The following PRRC2C variants were observed in gnomAD, a reference collection of about 807,000 sequenced individuals.
The protein encoded by PRRC2C is proline rich coiled-coil 2C, also known as protein PRRC2C.
In PRRC2C, 72 loss-of-function variants were observed where a neutral mutation model predicts 317.2. The observed-to-expected ratio is 0.23, with a 90% CI of 0.19 to 0.28. PRRC2C has a LOEUF of 0.28. PRRC2C is among the 10% of genes least tolerant of loss of function. PRRC2C has a pLI of 1.00. For missense variants in PRRC2C, 3,074 were observed against 3,459.7 expected, an observed-to-expected ratio of 0.89 and a Z score of 2.80; for synonymous variants, 1,296 against 1,205.9, an observed-to-expected ratio of 1.07 and a Z score of -1.55.
intron 12 of PRRC2C, 21 bp downstream of exon 12, chr1:171,532,982 C>A: frequency 6.6e-7 from 1 of 1,511,700 alleles, no homozygotes; most frequent in Non-Finnish European, 8.8e-7. Context: ...ATTCTTCATT[C>A]TCTTTTAAAA....
At position 171,584,497 on chromosome 1, in the gene PRRC2C, A is replaced by C; in HGVS notation, c.7720A>C (p.Thr2574Pro). Reference protein sequence around the residue: ...QQPGQTNFYNTAQSPSALQQV... With the variant: ...QQPGQTNFYNPAQSPSALQQV... ...GCCTGGTCAGACAAATTTTTATAAC[A>C]CTGCCCAGTCACCAAGTGCTCTCCA... is the stretch of plus-strand genomic sequence containing the variant. The change falls in exon 30 of 35, where the codon ACT (threonine) becomes CCT (proline). Residue 2574 changes from threonine to proline, a missense_variant. Coordinates refer to ENST00000647382, the MANE Select transcript of PRRC2C (RefSeq NM_001387844.1). 1 of 1,591,848 alleles carries C rather than the reference A, an allele frequency of 6.3e-7. No homozygotes were observed. Among genetic ancestry groups the C allele is most frequent in the Non-Finnish European group, 8.6e-7 (1 of 1,168,402 alleles).
chr1:171,532,211 T>G, intron 11 of PRRC2C, 132 bp from the exon 12 acceptor site: 1 of 941,884 alleles, frequency 1.1e-6, no homozygotes, highest in Non-Finnish European at 1.5e-6. Context: ...TCTTATGTGT[T>G]TTCATTTTAA....
At chr1:171,552,710 A>ATT (rs1680524690) in intron 18 of PRRC2C, among the ~76,000 whole-genome samples, 4 of 151,976 alleles carry the variant, frequency 2.6e-5, no homozygotes, top group Admixed American at 2.6e-4. Context: ...TTCTGCATCT[A>ATT]TTGAGATAAT....
intron 10 of PRRC2C, among the ~76,000 whole-genome samples, chr1:171,526,857 G>A (rs1300981981): frequency 9.2e-6 from 1 of 108,110 alleles, no homozygotes; most frequent in Non-Finnish European, 1.7e-5. Flanking sequence ...CTCCCAGGCT[G>A]TAATGCAGTG....
At chr1:171,545,955 A>G (rs1345207875) in intron 17 of PRRC2C, among the ~76,000 whole-genome samples, 1 of 152,184 alleles carries the variant, frequency 6.6e-6, no homozygotes, top group Admixed American at 6.5e-5. Context: ...TCTTCCAAAA[A>G]AGAGGAAGAA....
rs2272807 is a variant in PRRC2C at position 171,524,544 on chromosome 1, T to C, written c.1056-277T>C. On this transcript the variant is annotated intron_variant, in intron 9 of 34. Coordinates refer to ENST00000647382, the MANE Select transcript of PRRC2C (RefSeq NM_001387844.1). The stretch of plus-strand genomic sequence containing the variant: ...CCCAGTTACATTTGGATTGTATTTC[T>C]TATGTAGAGGAGATAGGAAATGATG... 2.6e-4 allele frequency among the ~76,000 whole-genome samples: 40 copies of C among 152,350 alleles called. No homozygotes were observed. In the East Asian group the frequency reaches 6.4e-3, roughly 24 times the overall value.
chr1:171,505,336 T>C (rs547634241), intron 1 of PRRC2C, among the ~76,000 whole-genome samples: 2 of 152,236 alleles, frequency 1.3e-5, no homozygotes, highest in Admixed American at 1.3e-4. Flanking sequence ...CTGTATTTCA[T>C]TTTTTATTGC....
intron 34 of PRRC2C, chr1:171,591,219 T>G (rs2102910499): frequency 9.9e-7 from 1 of 1,011,784 alleles, no homozygotes; most frequent in Non-Finnish European, 1.2e-6. Flanking sequence ...TGCCACAATA[T>G]AAGTGCTTCC....
intron 18 of PRRC2C, among the ~76,000 whole-genome samples, chr1:171,553,376 C>T (rs573110421): frequency 2.9e-4 from 44 of 151,808 alleles, no homozygotes; most frequent in South Asian, 2.5e-3. Context: ...GTCTTGCTAG[C>T]GGTCTGTCAA....
At chr1:171,552,687 T>C (rs764468596) in intron 18 of PRRC2C, among the ~76,000 whole-genome samples, 1 of 152,232 alleles carries the variant, frequency 6.6e-6, no homozygotes, top group African/African-American at 2.4e-5. Flanking sequence ...TATTGAATTT[T>C]GTCGAAGGCC....
intron 1 of PRRC2C, among the ~76,000 whole-genome samples, chr1:171,506,720 T>TC (rs1324970971): frequency 1.3e-5 from 2 of 151,446 alleles, no homozygotes; most frequent in East Asian, 1.9e-4. Context: ...TGTGTGTGTT[T>TC]TAATTGGAAA....
At chr1:171,576,445 A>C (rs1020938068) in intron 25 of PRRC2C, among the ~76,000 whole-genome samples, 4 of 152,244 alleles carry the variant, frequency 2.6e-5, no homozygotes, top group African/African-American at 9.6e-5. Context: ...CAGGTGGAAC[A>C]TCATCTGAAG....
chr1:171,510,443 GAATTTT>G (rs1332248713), intron 1 of PRRC2C: 6 of 151,848 alleles, frequency 4.0e-5, no homozygotes, highest in Non-Finnish European at 7.4e-5. Context: ...AAAGCTCTTT[GAATTTT>G]AATTTTGTCA....
intron 30 of PRRC2C, among the ~76,000 whole-genome samples, chr1:171,585,179 C>T (rs1276187907): frequency 1.3e-5 from 2 of 151,854 alleles, no homozygotes; most frequent in Non-Finnish European, 1.5e-5. Context: ...GAATATAAAA[C>T]CTTGAAAACC....
chr1:171,574,859 A>AT, intron 24 of PRRC2C, 68 bp from the exon 25 acceptor site: 2 of 1,336,270 alleles, frequency 1.5e-6, no homozygotes, highest in South Asian at 2.6e-5. Context: ...ATACTGATAC[A>AT]TGTATATACA....
At chr1:171,538,787 C>T (rs1172687373) in intron 15 of PRRC2C, among the ~76,000 whole-genome samples, 1 of 152,188 alleles carries the variant, frequency 6.6e-6, no homozygotes, top group African/African-American at 2.4e-5. Flanking sequence ...TCACAGCTCA[C>T]TGCAGCCTTG....
chr1:171,496,681 C>T (rs1239333011), intron 1 of PRRC2C, among the ~76,000 whole-genome samples: 1 of 152,158 alleles, frequency 6.6e-6, no homozygotes, highest in Non-Finnish European at 1.5e-5. Context: ...TAAACCCTGT[C>T]ATCACCAGAA....
At chr1:171,567,505 G>A (rs1282811830) in intron 22 of PRRC2C, among the ~76,000 whole-genome samples, 1 of 152,116 alleles carries the variant, frequency 6.6e-6, no homozygotes, top group African/African-American at 2.4e-5. Context: ...TTGCCATACA[G>A]CTGAATTCAT....
intron 12 of PRRC2C, among the ~76,000 whole-genome samples, chr1:171,534,089 T>G (rs1676370794): frequency 1.3e-5 from 2 of 152,204 alleles, no homozygotes; most frequent in Non-Finnish European, 2.9e-5. Context: ...AAAATAAAGT[T>G]TTTATTTATA....
Sources: gnomAD v4.1 joint callset for allele counts (sites outside exome capture counted in the v4.1 genomes callset) on GRCh38, gnomAD v4.1.1 for gene constraint, MANE v1.5 for transcripts, NCBI Gene and HGNC (gene_info 2026-07-23, HGNC 2026-07-21) for gene names.